The following PGM1 variants were observed in gnomAD, a reference collection of about 807,000 sequenced individuals.
PGM1 encodes phosphoglucomutase 1, also known as phosphoglucomutase-1.
A neutral mutation model predicts 55.6 loss-of-function variants in PGM1; 52 were observed. The ratio of observed to expected loss-of-function variants is 0.94; its 90% CI spans 0.75 to 1.18. The LOEUF (loss-of-function observed/expected upper bound fraction) is 1.18. Among genes scored for constraint, PGM1 ranks in the 50% most tolerant of loss-of-function variants. The pLI is 0.00. For missense variants in PGM1, 724 were observed against 729.3 expected (o/e 0.99, Z 0.08); for synonymous variants, 287 against 271.7 (o/e 1.06, Z -0.55).
intron 1 of PGM1, among the ~76,000 whole-genome samples, chr1:63,613,545 C>A (rs574308818): frequency 6.6e-6 from 1 of 152,136 alleles, no homozygotes; most frequent in African/African-American, 2.4e-5. Flanking sequence ...TGTATCTCTT[C>A]TGTCTCTGTC....
chr1:63,648,407 T>A, intron 7 of PGM1, 110 bp from the exon 8 acceptor site: 1 of 1,178,592 alleles, frequency 8.5e-7, no homozygotes, highest in Non-Finnish European at 1.3e-6. Context: ...ATCACGTCCC[T>A]CCCTCAACAT....
chr1:63,648,355 C>G (rs1649708670), intron 7 of PGM1, among the ~76,000 whole-genome samples, 162 bp from the exon 8 acceptor site: 1 of 152,148 alleles, frequency 6.6e-6, no homozygotes, highest in Non-Finnish European at 1.5e-5. Flanking sequence ...ATCACCAGAA[C>G]AGCAAGGGGG....
chr1:63,621,594 G>A (rs745896203), intron 1 of PGM1, among the ~76,000 whole-genome samples: 6 of 152,222 alleles, frequency 3.9e-5, no homozygotes, highest in Admixed American at 2.0e-4. Context: ...TTTATAGTAC[G>A]TTGAAAAACA....
chr1:63,610,482 G>A (rs1648536232), intron 1 of PGM1, among the ~76,000 whole-genome samples: 3 of 152,190 alleles, frequency 2.0e-5, no homozygotes, highest in Non-Finnish European at 4.4e-5. Flanking sequence ...AATCTTTGGT[G>A]TGAGATCTGA....
At chr1:63,646,173 A>G (rs906247667) in intron 7 of PGM1, among the ~76,000 whole-genome samples, 3 of 152,218 alleles carry the variant, frequency 2.0e-5, no homozygotes, top group Non-Finnish European at 4.4e-5. Flanking sequence ...TACTCTAACA[A>G]TTCCAAGAAG....
At chr1:63,652,480 C>T (rs887222191) in intron 9 of PGM1, among the ~76,000 whole-genome samples, 3 of 152,128 alleles carry the variant, frequency 2.0e-5, no homozygotes, top group Admixed American at 6.6e-5. Flanking sequence ...TACTGTGTGC[C>T]GGGTACCCTA....
chr1:63,632,354 A>G (rs537962241), intron 4 of PGM1, among the ~76,000 whole-genome samples: 4 of 152,296 alleles, frequency 2.6e-5, no homozygotes, highest in African/African-American at 9.6e-5. Flanking sequence ...ATGTAGGTAT[A>G]TGAGAATCCC....
intron 1 of PGM1, among the ~76,000 whole-genome samples, chr1:63,599,430 C>T (rs143705684): frequency 2.6e-5 from 4 of 151,984 alleles, no homozygotes; most frequent in African/African-American, 4.8e-5. Context: ...TCACAAAGTG[C>T]TGGGATTACA....
chr1:63,637,566 G>T (rs1649395889), intron 6 of PGM1, among the ~76,000 whole-genome samples: 1 of 152,188 alleles, frequency 6.6e-6, no homozygotes, highest in Non-Finnish European at 1.5e-5. Context: ...CTCATTTTAA[G>T]GAAGAGGAAA....
intron 3 of PGM1, 131 bp downstream of exon 3, chr1:63,630,219 T>C: frequency 2.1e-6 from 2 of 964,252 alleles, no homozygotes; most frequent in South Asian, 2.7e-5. Flanking sequence ...TTGCAAGTGT[T>C]AGTTAATTAA....
intron 1 of PGM1, among the ~76,000 whole-genome samples, chr1:63,619,728 C>T (rs1240083798): frequency 1.3e-5 from 2 of 152,214 alleles, no homozygotes; most frequent in Non-Finnish European, 2.9e-5. Context: ...GTCACTGCAA[C>T]CTCTTCAGAG....
Position 63,654,448 on chromosome 1 carries a change from G to C in PGM1, c.1581G>C (p.Lys527Asn), listed in dbSNP as rs781557513. 5 of 1,613,936 alleles carry C rather than the reference G, an allele frequency of 3.1e-6. No individual in the cohort carries two copies. Reference sequence around the variant, plus strand: ...ATAGCTATGAGAAGGACGTTGCCAAGATTAACCAGGACCCCCAGGTAACGC... The same window carrying C: ...ATAGCTATGAGAAGGACGTTGCCAACATTAACCAGGACCCCCAGGTAACGC... Reference protein sequence around the residue: ...YIDSYEKDVAKINQDPQVMLA... With the variant: ...YIDSYEKDVANINQDPQVMLA... Residue 527 changes from lysine to asparagine, a missense_variant, in exon 10 of 11, where the codon AAG (lysine) becomes AAC (asparagine). This residue lies in a region of PGM1 where 316 missense variants were observed against 313.1 expected (regional missense o/e 1.01). Coordinates refer to ENST00000371084, the MANE Select transcript of PGM1 (RefSeq NM_002633.3).
chr1:63,655,904 GA>G, intron 10 of PGM1: 1 of 152,536 alleles, frequency 6.6e-6, no homozygotes, highest in Non-Finnish European at 1.5e-5. Context: ...CCCGAGAGGG[GA>G]ACCACCAGGT....
chr1:63,651,963 T>C (rs1421152284), intron 9 of PGM1, 111 bp downstream of exon 9: 2 of 1,021,102 alleles, frequency 2.0e-6, no homozygotes, highest in East Asian at 2.6e-5. Flanking sequence ...TGCTGCTGTG[T>C]TTTTCTAGGG....
intron 6 of PGM1, among the ~76,000 whole-genome samples, chr1:63,638,435 C>G (rs552585615): frequency 1.7e-4 from 26 of 152,262 alleles, no homozygotes; most frequent in African/African-American, 6.3e-4. Context: ...ACTACGGATG[C>G]TTCTTCTAAA....
intron 7 of PGM1, 99 bp downstream of exon 7, chr1:63,638,899 G>C: frequency 1.1e-6 from 1 of 869,982 alleles, no homozygotes; most frequent in South Asian, 1.3e-5. Flanking sequence ...AACGGTAGCC[G>C]ATGTGTCCTA....
intron 7 of PGM1, among the ~76,000 whole-genome samples, chr1:63,647,267 T>TATATATATATAC: frequency 1.0e-4 from 1 of 9,938 alleles, no homozygotes; most frequent in Non-Finnish European, 1.5e-4. Flanking sequence ...TACATATATA[T>TATATATATATAC]ATATATATAT....
chr1:63,628,557 G>T (rs1649100393), intron 1 of PGM1, among the ~76,000 whole-genome samples: 1 of 152,130 alleles, frequency 6.6e-6, no homozygotes, highest in Non-Finnish European at 1.5e-5. Context: ...GAAGCAAAAA[G>T]AAATAACAAA....
intron 3 of PGM1, among the ~76,000 whole-genome samples, chr1:63,630,313 C>A (rs1340719738): frequency 6.6e-6 from 1 of 152,172 alleles, no homozygotes; most frequent in Middle Eastern, 3.2e-3. Flanking sequence ...TCGAGTAAGT[C>A]ATTTCCAGCA....
Sources: gnomAD v4.1 joint callset for allele counts (sites outside exome capture counted in the v4.1 genomes callset) on GRCh38, gnomAD v4.1.1 for gene constraint, gnomAD v4.1.1 regional missense constraint, MANE v1.5 for transcripts, NCBI Gene and HGNC (gene_info 2026-07-23, HGNC 2026-07-21) for gene names.